UBTD1: variants seen among roughly 807,000 people sequenced by gnomAD.
The protein encoded by UBTD1 is ubiquitin domain-containing protein 1.
A neutral mutation model predicts 21.7 loss-of-function variants in UBTD1; 19 were observed. That is an observed-to-expected ratio of 0.87 (90% CI 0.61 to 1.28). The LOEUF (loss-of-function observed/expected upper bound fraction) is 1.28. Ranked by LOEUF, UBTD1 falls within the 50% of genes most tolerant of loss-of-function variation. UBTD1 has a pLI of 0.00. For synonymous variants in UBTD1, 116 were observed against 135.1 expected, an observed-to-expected ratio of 0.86 and a Z score of 0.98; for missense variants, 282 against 315.1, an observed-to-expected ratio of 0.89 and a Z score of 0.80.
chr10:97,524,779 A>G (rs1248786049), intron 1 of UBTD1, among the ~76,000 whole-genome samples: 2 of 152,174 alleles, frequency 1.3e-5, no homozygotes, highest in African/African-American at 4.8e-5. Flanking sequence ...CTGCCACATC[A>G]TAGAACATTG....
chr10:97,545,421 T>C (rs7099261), intron 1 of UBTD1, among the ~76,000 whole-genome samples: 4,798 of 56,654 alleles, frequency 0.085, 224 homozygotes, highest in African/African-American at 0.18. Flanking sequence ...GGTGTGGGTG[T>C]GTGTGTGTGG....
At chr10:97,517,371 T>C (rs2040448900) in intron 1 of UBTD1, among the ~76,000 whole-genome samples, 1 of 151,732 alleles carries the variant, frequency 6.6e-6, no homozygotes, top group Non-Finnish European at 1.5e-5. Flanking sequence ...GGAAGGGAAG[T>C]CCCTGGGTAG....
intron 1 of UBTD1, among the ~76,000 whole-genome samples, chr10:97,508,254 C>T (rs1004051254): frequency 2.0e-5 from 3 of 152,224 alleles, no homozygotes; most frequent in Non-Finnish European, 4.4e-5. Flanking sequence ...TCAGAGCCCA[C>T]GCTTTGGGCC....
intron 1 of UBTD1, among the ~76,000 whole-genome samples, chr10:97,532,125 G>A (rs1243265566): frequency 1.3e-5 from 2 of 152,160 alleles, no homozygotes; most frequent in African/African-American, 4.8e-5. Flanking sequence ...AGTAGATAGT[G>A]GGGGGCTGAC....
At chr10:97,527,391 A>G (rs140226604) in intron 1 of UBTD1, among the ~76,000 whole-genome samples, 1 of 151,960 alleles carries the variant, frequency 6.6e-6, no homozygotes, top group East Asian at 1.9e-4. Flanking sequence ...CCCTTAGGGC[A>G]TAATGTCCAA....
At chr10:97,531,331 C>T (rs1218027309) in intron 1 of UBTD1, among the ~76,000 whole-genome samples, 2 of 151,924 alleles carry the variant, frequency 1.3e-5, no homozygotes, top group Non-Finnish European at 2.9e-5. Flanking sequence ...CTGCCTCAGC[C>T]TCCTGAGCAG....
chr10:97,517,301 G>A (rs1009984997), intron 1 of UBTD1, among the ~76,000 whole-genome samples: 2 of 152,032 alleles, frequency 1.3e-5, no homozygotes, highest in Admixed American at 6.5e-5. Context: ...GGAGTGGAGC[G>A]CCACTGGAGA....
intron 1 of UBTD1, among the ~76,000 whole-genome samples, chr10:97,540,348 G>A (rs1309377840): frequency 9.8e-5 from 15 of 152,314 alleles, no homozygotes; most frequent in Non-Finnish European, 1.5e-5. Flanking sequence ...TCCCACCTAC[G>A]TTCTGAGCGC....
chr10:97,557,129 C>T (rs1337435215), intron 1 of UBTD1, among the ~76,000 whole-genome samples: 3 of 152,308 alleles, frequency 2.0e-5, no homozygotes, highest in African/African-American at 4.8e-5. Context: ...ACGGTTCCAA[C>T]ACAAATATAA....
chr10:97,506,726 A>G (rs1589866748), intron 1 of UBTD1, among the ~76,000 whole-genome samples: 1 of 151,690 alleles, frequency 6.6e-6, no homozygotes, highest in East Asian at 1.9e-4. Context: ...GAGTTTGACT[A>G]CTCTGGATAC....
intron 1 of UBTD1, among the ~76,000 whole-genome samples, chr10:97,506,549 T>C (rs934469057): frequency 6.6e-5 from 10 of 152,178 alleles, no homozygotes; most frequent in African/African-American, 2.4e-4. Context: ...CAGTCTATAG[T>C]TTTGTAGCAT....
intron 1 of UBTD1, among the ~76,000 whole-genome samples, chr10:97,526,722 G>A (rs890336270): frequency 6.6e-6 from 1 of 151,910 alleles, no homozygotes; most frequent in African/African-American, 2.4e-5. Flanking sequence ...ATGGTGGCAT[G>A]CACCGGTAGT....
chr10:97,514,243 C>CT (rs1031497555), intron 1 of UBTD1, among the ~76,000 whole-genome samples: 1 of 152,076 alleles, frequency 6.6e-6, no homozygotes. Context: ...ACTTGGGACT[C>CT]TTTCATTACC....
chr10:97,568,918 G>T (rs2040731699), intron 2 of UBTD1, among the ~76,000 whole-genome samples: 1 of 151,378 alleles, frequency 6.6e-6, no homozygotes, highest in Non-Finnish European at 1.5e-5. Flanking sequence ...GCGCCGCCTG[G>T]GTTCAAGTGA....
intron 1 of UBTD1, among the ~76,000 whole-genome samples, chr10:97,557,596 C>T (rs1361083757): frequency 6.6e-6 from 1 of 152,074 alleles, no homozygotes; most frequent in Non-Finnish European, 1.5e-5. Flanking sequence ...TAGAGAACCG[C>T]ATCCTATTCT....
intron 1 of UBTD1, among the ~76,000 whole-genome samples, chr10:97,554,099 T>G (rs2040652973): frequency 6.6e-6 from 1 of 152,186 alleles, no homozygotes; most frequent in South Asian, 2.1e-4. Flanking sequence ...CTGTGTTTAT[T>G]TTAAAGGTCA....
At chr10:97,562,128 G>A (rs993662150) in intron 1 of UBTD1, among the ~76,000 whole-genome samples, 2 of 152,140 alleles carry the variant, frequency 1.3e-5, no homozygotes, top group African/African-American at 4.8e-5. Context: ...AACGGTCCAG[G>A]CGTGGTGGCT....
intron 1 of UBTD1, among the ~76,000 whole-genome samples, chr10:97,552,492 T>A (rs1440329036): frequency 2.7e-5 from 4 of 147,756 alleles, no homozygotes; most frequent in African/African-American, 5.0e-5. Flanking sequence ...GCCTCCTCAG[T>A]TCAAGCAATT....
chr10:97,552,826 C>T (rs1040486966), intron 1 of UBTD1, among the ~76,000 whole-genome samples: 14 of 152,182 alleles, frequency 9.2e-5, no homozygotes, highest in African/African-American at 2.4e-4. Flanking sequence ...GAGTGGCTGC[C>T]GCTGATGCCT....
Sources: gnomAD v4.1 joint callset for allele counts (sites outside exome capture counted in the v4.1 genomes callset) on GRCh38, gnomAD v4.1.1 for gene constraint, MANE v1.5 for transcripts, NCBI Gene and HGNC (gene_info 2026-07-23, HGNC 2026-07-21) for gene names.